SMG6: variants seen among roughly 807,000 people sequenced by gnomAD.
The protein encoded by SMG6 is telomerase-binding protein EST1A.
A neutral mutation model predicts 142.2 loss-of-function variants in SMG6; 66 were observed. The observed-to-expected ratio is 0.46, with a 90% CI of 0.38 to 0.57. SMG6 has a LOEUF of 0.57. SMG6 is among the 20% of genes least tolerant of loss of function. The pLI is 0.00. For synonymous variants in SMG6, 779 were observed against 702.4 expected (o/e 1.11, Z -1.72); for missense variants, 1,793 against 1,832.0 (o/e 0.98, Z 0.39).
At chr17:2,248,934 T>A (rs1387904990) in intron 8 of SMG6, among the ~76,000 whole-genome samples, 1 of 151,966 alleles carries the variant, frequency 6.6e-6, no homozygotes, top group African/African-American at 2.4e-5. Context: ...TCACCCAGGC[T>A]GGAGTGCAGT....
chr17:2,220,577 C>G (rs1475200015), intron 10 of SMG6, among the ~76,000 whole-genome samples: 1 of 152,304 alleles, frequency 6.6e-6, no homozygotes, highest in African/African-American at 2.4e-5. Flanking sequence ...CTGCAGTGAG[C>G]TATGATCATG....
At chr17:2,249,045 C>T (rs2073987200) in intron 8 of SMG6, among the ~76,000 whole-genome samples, 1 of 151,184 alleles carries the variant, frequency 6.6e-6, no homozygotes, top group South Asian at 2.1e-4. Context: ...CGCCACCACG[C>T]CCCGTTAATT....
chr17:2,248,731 A>G (rs1461297308), intron 8 of SMG6, among the ~76,000 whole-genome samples: 4 of 152,208 alleles, frequency 2.6e-5, no homozygotes, highest in Non-Finnish European at 5.9e-5. Flanking sequence ...GTTGTCATCA[A>G]TAACACTTCA....
chr17:2,244,655 T>C lies in SMG6; in HGVS notation c.2723+3A>G, dbSNP rs1172299983. 3 of 1,610,670 alleles carry C rather than the reference T, an allele frequency of 1.9e-6. No individual in the cohort carries two copies. The highest frequency in any genetic ancestry group is 3.3e-5 in the Admixed American group (2 of 60,010). On this transcript the variant is annotated splice_donor_region_variant and intron_variant, in intron 9 of 18. Transcript: ENST00000263073. ...AAATAAAATAAACATCCTGCACACT[T>C]ACCCAATCCGGGTAAACAGCTTCCC...
rs1346950490 is a variant in SMG6, at chr17:2,277,158, TTTA to T, written c.2661+5486_2661+5488del. 5.6e-4 allele frequency among the ~76,000 whole-genome samples: 34 copies of T among 60,900 alleles called. 3 individuals are homozygous for T. Among genetic ancestry groups the T allele is most frequent in the Admixed American group, 2.2e-3 (13 of 5,894 alleles). 40.0% of individuals were successfully genotyped at this position (60,900 alleles called of 152,430 possible). A position where few individuals can be genotyped will look rare whatever the true frequency, so the allele number is the denominator to read the frequency against. On this transcript the variant is annotated intron_variant, in intron 8 of 18. Transcript: ENST00000263073. ...ATTTATTTATTTATTTATTTATTTATTTATTTATTTTTTATTTTTTTTTTTTTT... is the reference window on the plus strand; with the variant it reads ...ATTTATTTATTTATTTATTTATTTATTTTATTTTTTATTTTTTTTTTTTTT...
chr17:2,232,404 T>C (rs1254012360), intron 10 of SMG6, among the ~76,000 whole-genome samples: 1 of 152,162 alleles, frequency 6.6e-6, no homozygotes, highest in African/African-American at 2.4e-5. Context: ...TTATCAGTTA[T>C]GACATCACTC....
rs571939280 is a variant in SMG6, at chr17:2,272,114, T to C, written c.2661+10533A>G. ...CCAAGTGCACACCATGGCACCAAACTAGAATGTGGCTCTGGCAGAAGGCTC... is the reference window on the plus strand; with the variant it reads ...CCAAGTGCACACCATGGCACCAAACCAGAATGTGGCTCTGGCAGAAGGCTC... On this transcript the variant is annotated intron_variant, in intron 8 of 18. Transcript: ENST00000263073. 3.3e-5 allele frequency among the ~76,000 whole-genome samples: 5 copies of C among 152,314 alleles called. No homozygotes were observed. The South Asian group carries it at 1.0e-3, about 32-fold the overall frequency.
chr17:2,094,037 TA>T (rs1302386482), intron 13 of SMG6, among the ~76,000 whole-genome samples: 1 of 152,192 alleles, frequency 6.6e-6, no homozygotes, highest in Non-Finnish European at 1.5e-5. Flanking sequence ...ACTCCGGACC[TA>T]ACCATAGGTA....
chr17:2,272,666 C>T (rs569943667), intron 8 of SMG6, among the ~76,000 whole-genome samples: 58 of 152,104 alleles, frequency 3.8e-4, no homozygotes, highest in Non-Finnish European at 7.6e-4. Context: ...TGGCCGGGCA[C>T]GGTGGCTCAT....
chr17:2,252,971 T>C (rs1212130179), intron 8 of SMG6, among the ~76,000 whole-genome samples: 1 of 152,028 alleles, frequency 6.6e-6, no homozygotes, highest in Non-Finnish European at 1.5e-5. Flanking sequence ...ATATGAAATA[T>C]AAATTTCAGT....
intron 13 of SMG6, among the ~76,000 whole-genome samples, chr17:2,130,940 T>C (rs888118416): frequency 3.3e-5 from 5 of 151,806 alleles, no homozygotes; most frequent in Non-Finnish European, 5.9e-5. Flanking sequence ...GAGGAAGAGG[T>C]TGCAGTGAGC....
chr17:2,258,798 CAAAA>C (rs771561105), intron 8 of SMG6, among the ~76,000 whole-genome samples: 1 of 100,686 alleles, frequency 9.9e-6, no homozygotes, highest in Admixed American at 1.1e-4. Context: ...GACGCCAGCT[CAAAA>C]AAAAAAAAAA....
intron 13 of SMG6, chr17:2,088,091 G>T: frequency 1.0e-6 from 1 of 985,472 alleles, no homozygotes. Flanking sequence ...GCCTCACCTG[G>T]ACGATGAGAG....
intron 13 of SMG6, among the ~76,000 whole-genome samples, chr17:2,150,996 T>C (rs2070809536): frequency 6.6e-6 from 1 of 152,150 alleles, no homozygotes; most frequent in Admixed American, 6.5e-5. Context: ...GAGGCTTCTG[T>C]AGATGCTGGG....
At chr17:2,091,823 A>G (rs771453703) in intron 13 of SMG6, among the ~76,000 whole-genome samples, 17 of 147,158 alleles carry the variant, frequency 1.2e-4, no homozygotes, top group Non-Finnish European at 3.0e-5. Flanking sequence ...GGCACCCGCC[A>G]CCACGCCCAG....
chr17:2,299,343 C>A lies in SMG6; in HGVS notation c.1410G>T (p.Gln470His). 6.2e-7 allele frequency: 1 copy of A among 1,614,088 alleles called. No homozygotes were observed. Among genetic ancestry groups the A allele is most frequent in the Non-Finnish European group, 8.5e-7 (1 of 1,180,032 alleles). The change falls in exon 2 of 19, where the codon CAG becomes CAT. Residue 470 changes from glutamine to histidine, a missense_variant. Gln to His is a conservative substitution (Grantham distance 24, BLOSUM62 0). Coordinates refer to ENST00000263073, the MANE Select transcript of SMG6 (RefSeq NM_017575.5). This position sits in a 1 kb window ranked among gnomAD's most constrained non-coding sequence, Gnocchi z 4.3. ...NPDQKPALKTQTPQLHFLDTD... is the reference protein window; with the variant it reads ...NPDQKPALKTHTPQLHFLDTD... ...TGTCCAAGAAATGTAGCTGGGGCGT[C>A]TGAGTCTTTAGAGCAGGTTTCTGAT...
At chr17:2,280,657 C>T in intron 8 of SMG6, 1 of 885,766 alleles carries the variant, frequency 1.1e-6, no homozygotes. Flanking sequence ...AATAGTTACC[C>T]AAGGATGATG....
chr17:2,245,369 A>C (rs565428796), intron 8 of SMG6, among the ~76,000 whole-genome samples: 5 of 152,252 alleles, frequency 3.3e-5, no homozygotes, highest in Admixed American at 3.3e-4. Flanking sequence ...CCCAAGCTGG[A>C]AACTGCAATC....
At chr17:2,220,361 C>T (rs796855206) in intron 10 of SMG6, among the ~76,000 whole-genome samples, 31 of 152,188 alleles carry the variant, frequency 2.0e-4, no homozygotes, top group Middle Eastern at 3.4e-3. Flanking sequence ...CCAAGCTCAG[C>T]GGCTCATGCC....
Sources: gnomAD v4.1 joint callset for allele counts (sites outside exome capture counted in the v4.1 genomes callset) on GRCh38, gnomAD v4.1.1 for gene constraint, Gnocchi (gnomAD v3.1) non-coding constraint, MANE v1.5 for transcripts, NCBI Gene and HGNC (gene_info 2026-07-23, HGNC 2026-07-21) for gene names.